The following KCTD19 variants were observed in gnomAD, a reference collection of about 807,000 sequenced individuals.
KCTD19 encodes potassium channel tetramerization domain containing 19, also known as BTB/POZ domain-containing protein KCTD19.
In KCTD19, 67 loss-of-function variants were observed where a neutral mutation model predicts 103.5. The observed-to-expected ratio is 0.65, with a 90% confidence interval of 0.53 to 0.79. The LOEUF (loss-of-function observed/expected upper bound fraction) is 0.79, where lower values mean the gene tolerates loss of function less well. KCTD19 is among the 30% of genes least tolerant of loss of function. The pLI is 0.00. For missense variants in KCTD19, 980 were observed against 1,136.1 expected, an observed-to-expected ratio of 0.86 and a Z score of 1.98; for synonymous variants, 439 against 452.2, an observed-to-expected ratio of 0.97 and a Z score of 0.37.
chr16:67,290,431 G>A (rs891741084), intron 15 of KCTD19, among the ~76,000 whole-genome samples: 2 of 152,084 alleles, frequency 1.3e-5, no homozygotes, highest in Non-Finnish European at 2.9e-5. Flanking sequence ...ACCCGCCTCG[G>A]CCTCCCAAAG....
chr16:67,316,211 A>G (rs1026380335), intron 2 of KCTD19, among the ~76,000 whole-genome samples: 2 of 151,244 alleles, frequency 1.3e-5, no homozygotes, highest in African/African-American at 4.9e-5. Flanking sequence ...CTGGCTAATT[A>G]AAAAAATTTT....
At chr16:67,305,420 G>C (rs1035353127) in intron 2 of KCTD19, 1 of 287,182 alleles carries the variant, frequency 3.5e-6, no homozygotes, top group Non-Finnish European at 6.9e-6. Flanking sequence ...GTGTCTTACT[G>C]ATGAGGCAGC....
At chr16:67,306,614 A>G (rs577260938) in intron 2 of KCTD19, among the ~76,000 whole-genome samples, 3 of 152,088 alleles carry the variant, frequency 2.0e-5, no homozygotes, top group African/African-American at 7.2e-5. Flanking sequence ...CCTAGCCCCC[A>G]GGTCCTCTCC....
intron 6 of KCTD19, among the ~76,000 whole-genome samples, chr16:67,298,281 C>T (rs914285569): frequency 6.6e-6 from 1 of 152,134 alleles, no homozygotes; most frequent in African/African-American, 2.4e-5. Flanking sequence ...GTGTGAGCCA[C>T]CGCGCCCAGC....
At chr16:67,314,826 TATATAGAGAGAG>T (rs1450268700) in intron 2 of KCTD19, among the ~76,000 whole-genome samples, 43 of 55,290 alleles carry the variant, frequency 7.8e-4, no homozygotes, top group Non-Finnish European at 1.1e-3. Context: ...TATATATATA[TATATAGAGAGAG>T]AGAGAGAGAG....
chr16:67,307,636 G>A (rs900655792), intron 2 of KCTD19, among the ~76,000 whole-genome samples: 5 of 151,860 alleles, frequency 3.3e-5, no homozygotes, highest in Non-Finnish European at 7.4e-5. Flanking sequence ...TAAGTTTTAA[G>A]TTTTTTGTAA....
chr16:67,292,205 G>A (rs558865237), intron 12 of KCTD19, among the ~76,000 whole-genome samples: 1 of 152,178 alleles, frequency 6.6e-6, no homozygotes, highest in African/African-American at 2.4e-5. Context: ...ATCTTCATAA[G>A]CAGGGACTCT....
At chr16:67,299,260 A>C (rs1233821389) in intron 6 of KCTD19, 103 bp downstream of exon 6, 1 of 1,039,140 alleles carries the variant, frequency 9.6e-7, no homozygotes, top group Non-Finnish European at 1.5e-6. Flanking sequence ...GGCCCCAAGG[A>C]CACACTTCAC....
chr16:67,320,544 G>A lies in KCTD19; in HGVS notation c.300+45C>T, dbSNP rs1482841240. 4 of 1,577,782 alleles carry A rather than the reference G, an allele frequency of 2.5e-6. No homozygotes were observed. Among genetic ancestry groups the A allele is most frequent in the Admixed American group, 3.5e-5 (2 of 57,830 alleles). ...AGGAAACAATATTTAGTGATGTAAAGCCATGTTACTGATCCACCACTCCCA... is the reference window on the plus strand; with the variant it reads ...AGGAAACAATATTTAGTGATGTAAAACCATGTTACTGATCCACCACTCCCA... On this transcript the variant is annotated intron_variant, in intron 2 of 15. Transcript: ENST00000304372. This position sits in a 1 kb window ranked among gnomAD's most constrained non-coding sequence, Gnocchi z 4.0.
In KCTD19 at chr16:67,320,935, G is replaced by A; in HGVS notation, c.4-50C>T. On this transcript the variant is annotated intron_variant, in intron 1 of 15. Transcript: ENST00000304372. This position sits in a 1 kb window ranked among gnomAD's most constrained non-coding sequence, Gnocchi z 4.0. ...CTACGCAAGAAAAAGAAATAAAAAG[G>A]CATCCAGATTGAAAAGGTAGAAATA... 6.8e-7 allele frequency: 1 copy of A among 1,479,112 alleles called. No individual in the cohort carries two copies. Among genetic ancestry groups the A allele is most frequent in the African/African-American group, 1.4e-5 (1 of 70,932 alleles). The allele number at this position is 1,479,112 out of a possible 1,614,324, so 91.6% of individuals were successfully genotyped here.
rs1432460966 is a variant in KCTD19 at position 67,293,725 on chromosome 16, C to T, written c.2037G>A (p.Gln679=). Residue 679 remains glutamine, a synonymous_variant, in exon 12 of 16, where the codon CAG becomes CAA. Transcript: ENST00000304372. This position sits in a 1 kb window ranked among gnomAD's most constrained non-coding sequence, Gnocchi z 4.0. ...QLPLGSEAAS[Q]PSTSAAWKAH... is the part of the protein sequence containing the mutation. ...CTTTCCAGGCAGCTGAGGTGCTGGGCTGGGAAGCAGCCTCGCTTCCCAAGG... is the reference window on the plus strand; with the variant it reads ...CTTTCCAGGCAGCTGAGGTGCTGGGTTGGGAAGCAGCCTCGCTTCCCAAGG... 2 of 1,614,058 alleles carry T rather than the reference C, an allele frequency of 1.2e-6. No homozygotes were observed. The highest frequency in any genetic ancestry group is 4.5e-5 in the East Asian group (2 of 44,862).
At chr16:67,294,903 T>G in intron 10 of KCTD19, 70 bp downstream of exon 10, 1 of 1,267,718 alleles carries the variant, frequency 7.9e-7, no homozygotes. Context: ...GAGTAGGACT[T>G]AGGACAGGAT....
At chr16:67,304,919 C>T (rs1167995772) in intron 2 of KCTD19, among the ~76,000 whole-genome samples, 6 of 152,108 alleles carry the variant, frequency 3.9e-5, no homozygotes, top group African/African-American at 7.2e-5. Context: ...CCATCCGCCT[C>T]GGCCTCCCAA....
At position 67,293,957 on chromosome 16, in the gene KCTD19, C is replaced by T; in HGVS notation, c.1805G>A (p.Gly602Glu). ...RGLCTNPGHW[G>E]SHPESPPKKK... ...CTTTGGGGGGCTCTCAGGGTGGCTC[C>T]CCCAGTGTCCAGGATTGGTACACAA... Residue 602 changes from glycine to glutamate, a missense_variant, in exon 12 of 16, where the codon GGG (glycine) becomes GAG (glutamate). Transcript: ENST00000304372. The surrounding 1 kb of genome is among the most constrained non-coding windows in gnomAD (Gnocchi z 4.0). 1 of 1,614,094 alleles carries T rather than the reference C, an allele frequency of 6.2e-7. No homozygotes were observed. The highest frequency in any genetic ancestry group is 8.5e-7 in the Non-Finnish European group (1 of 1,180,028).
intron 4 of KCTD19, chr16:67,302,887 A>T (rs936434653): frequency 4.2e-6 from 2 of 481,658 alleles, no homozygotes; most frequent in Non-Finnish European, 7.4e-6. Flanking sequence ...TGTGGTCCCT[A>T]GCACTTTCCA....
rs138495581 is a variant in KCTD19, at chr16:67,314,799, TTATATATATATA to T, written c.300+5778_300+5789del. On this transcript the variant is annotated intron_variant, in intron 2 of 15. Transcript: ENST00000304372. ...ACATGATGGTTTTTTTCACTTAGCA[TTATATATATATA>T]TATATATATATATATATATAGAGAG... Among the ~76,000 whole-genome samples the T allele has an allele frequency of 7.9e-3, 361 of 45,862 alleles. 4 individuals carry two copies. The highest frequency in any genetic ancestry group is 0.015 in the African/African-American group (143 of 9,252). The allele number at this position is 45,862 out of a possible 152,430, so 30.1% of individuals were successfully genotyped here. A position where few individuals can be genotyped will look rare whatever the true frequency, so the allele number is the denominator to read the frequency against.
chr16:67,309,484 G>C (rs566235332), intron 2 of KCTD19, among the ~76,000 whole-genome samples: 5 of 152,294 alleles, frequency 3.3e-5, no homozygotes, highest in African/African-American at 1.2e-4. Context: ...TCTGATTTGT[G>C]ATGGACAGAA....
In KCTD19 at chr16:67,320,630, A is replaced by C; in HGVS notation, c.259T>G (p.Tyr87Asp). ...AGCTGCAAACCCAATGCTTGCTCAT[A>C]CAGCAAGTTCAGTTCTGCACAACTG... ...FSSCAELNLL[Y>D]EQALGLQLMP... The change falls in exon 2 of 16, where the codon TAT becomes GAT. Residue 87 changes from tyrosine to aspartate, a missense_variant. Transcript: ENST00000304372. The surrounding 1 kb of genome is among the most constrained non-coding windows in gnomAD (Gnocchi z 4.0). 1.9e-6 allele frequency: 3 copies of C among 1,614,248 alleles called. No individual in the cohort carries two copies. The highest frequency in any genetic ancestry group is 2.5e-6 in the Non-Finnish European group (3 of 1,180,042).
chr16:67,301,342 T>C (rs1191728292), intron 5 of KCTD19: 1 of 154,520 alleles, frequency 6.5e-6, no homozygotes, highest in Admixed American at 6.5e-5. Flanking sequence ...TGGGGGTGGA[T>C]GAGATGCATG....
Sources: allele counts gnomAD v4.1 joint callset (sites outside exome capture counted in the v4.1 genomes callset), GRCh38; gene constraint gnomAD v4.1.1; non-coding constraint Gnocchi (gnomAD v3.1); transcripts MANE v1.5; gene names NCBI Gene and HGNC (gene_info 2026-07-23, HGNC 2026-07-21).